Variants in TSC1 observed in about 807,000 individuals in gnomAD.
TSC1 encodes hamartin.
A neutral mutation model predicts 124.3 loss-of-function variants in TSC1; 20 were observed. The ratio of observed to expected loss-of-function variants is 0.16; its 90% CI spans 0.11 to 0.23. The LOEUF (loss-of-function observed/expected upper bound fraction) is 0.23, where lower values mean the gene tolerates loss of function less well. TSC1 is among the 10% of genes least tolerant of loss of function. The pLI is 1.00. For missense variants in TSC1, 1,124 were observed against 1,448.5 expected, an observed-to-expected ratio of 0.78 and a Z score of 3.64; for synonymous variants, 493 against 539.1, an observed-to-expected ratio of 0.91 and a Z score of 1.19.
intron 8 of TSC1, among the ~76,000 whole-genome samples, chr9:132,920,152 G>A (rs556162226): frequency 2.0e-5 from 3 of 152,298 alleles, no homozygotes; most frequent in Non-Finnish European, 4.4e-5. Flanking sequence ...TGACTTCCCA[G>A]AAGGGGCTGT....
intron 9 of TSC1, 57 bp from the exon 10 acceptor site, chr9:132,911,625 TAAAAAAAAAAAAAAAAAAAAAA>T: frequency 6.0e-6 from 1 of 167,866 alleles, no homozygotes; most frequent in Non-Finnish European, 1.0e-5. Flanking sequence ...TTATTCTGGT[TAAAAAAAAAAAAAAAAAAAAAA>T]AAAAAAAAAG....
rs546657314 is a variant in TSC1, at chr9:132,923,557, A to G, written c.364-65T>C. ...ACTGGCACCAGGATCGGCATTGTACAGTACATGAAGAGGCTCTAAACACTG... is the reference window on the plus strand; with the variant it reads ...ACTGGCACCAGGATCGGCATTGTACGGTACATGAAGAGGCTCTAAACACTG... On this transcript the variant is annotated intron_variant, in intron 5 of 22. Transcript: ENST00000298552. This position sits in a 1 kb window ranked among gnomAD's most constrained non-coding sequence, Gnocchi z 4.2. 1 of 1,609,222 alleles carries G rather than the reference A, an allele frequency of 6.2e-7. No individual in the cohort carries two copies. Among genetic ancestry groups the G allele is most frequent in the African/African-American group, 1.3e-5 (1 of 74,956 alleles).
intron 1 of TSC1, 36 bp from the exon 2 acceptor site, chr9:132,935,131 T>C (rs1847391969): frequency 2.5e-6 from 1 of 398,818 alleles, no homozygotes; most frequent in Non-Finnish European, 4.4e-6. Flanking sequence ...TGAAGCAAAA[T>C]CCCAGATGTA....
intron 20 of TSC1, among the ~76,000 whole-genome samples, chr9:132,898,130 C>G (rs1845181745): frequency 6.6e-6 from 1 of 152,216 alleles, no homozygotes; most frequent in Admixed American, 6.5e-5. Context: ...TTTCCTTTCT[C>G]CTTTTCTCCC....
At chr9:132,910,230 G>A in intron 12 of TSC1, 1 of 550,914 alleles carries the variant, frequency 1.8e-6, no homozygotes, top group South Asian at 2.4e-5. Context: ...GAGTCTGGGA[G>A]GTCAAGGCTG....
intron 1 of TSC1, among the ~76,000 whole-genome samples, chr9:132,940,451 A>ACTG (rs1246279293): frequency 3.3e-5 from 5 of 152,172 alleles, no homozygotes; most frequent in Non-Finnish European, 5.9e-5. Flanking sequence ...TCAGAGGGCA[A>ACTG]CTGAGTCCAC....
chr9:132,912,493 G>C (rs773749458), intron 8 of TSC1, 36 bp from the exon 9 acceptor site: 1 of 1,611,904 alleles, frequency 6.2e-7, no homozygotes, highest in African/African-American at 1.3e-5. Context: ...AATGCAAACT[G>C]TAATCAACTG....
rs1474859767 is a variant in TSC1 at position 132,907,388 on chromosome 9, A to G, written c.1264-18T>C. ...CTCTCTTCCTGAAAAGATAAGTATC[A>G]TTTATATCACAAGACGAAAAATGTT... On this transcript the variant is annotated intron_variant, in intron 12 of 22. Coordinates refer to ENST00000298552, the MANE Select transcript of TSC1 (RefSeq NM_000368.5). 6.2e-7 allele frequency: 1 copy of G among 1,603,090 alleles called. No homozygotes were observed. The highest frequency in any genetic ancestry group is 1.1e-5 in the South Asian group (1 of 90,888).
rs759461471 is a variant in TSC1 at position 132,905,982 on chromosome 9, G to A, written c.1596C>T (p.Asn532=). ...AASSSQGASV[N]PEPLHSSLDK... ...CCAGGGAGGAGTGTAAAGGCTCAGG[G>A]TTCACGCTGGCGCCCTGAGAACTGG... Residue 532 remains asparagine, a synonymous_variant, in exon 15 of 23, where the codon AAC becomes AAT. Coordinates refer to ENST00000298552, the MANE Select transcript of TSC1 (RefSeq NM_000368.5). 1.9e-6 allele frequency: 3 copies of A among 1,614,118 alleles called. No homozygotes were observed. The highest frequency in any genetic ancestry group is 2.5e-6 in the Non-Finnish European group (3 of 1,180,006).
Position 132,928,877 on chromosome 9 carries a change from T to C in TSC1, c.-5A>G, listed in dbSNP as rs1323766758. 6.2e-7 allele frequency: 1 copy of C among 1,614,084 alleles called. No homozygotes were observed. The highest frequency in any genetic ancestry group is 8.5e-7 in the Non-Finnish European group (1 of 1,179,998). ...GACATTTGCTTGTTGGGCCATTCTC[T>C]CGCTCGAAGGCGCTGTGCTGGCTCC... On this transcript the variant is annotated 5_prime_UTR_variant, in exon 3 of 23. Coordinates refer to ENST00000298552, the MANE Select transcript of TSC1 (RefSeq NM_000368.5).
chr9:132,927,071 G>T, intron 4 of TSC1, 130 bp downstream of exon 4: 1 of 863,760 alleles, frequency 1.2e-6, no homozygotes, highest in Non-Finnish European at 1.9e-6. Flanking sequence ...GTTATAAACT[G>T]GGAACAATGT....
intron 10 of TSC1, 156 bp downstream of exon 10, chr9:132,911,297 G>C: frequency 2.5e-6 from 2 of 811,814 alleles, no homozygotes; most frequent in Non-Finnish European, 4.4e-6. Flanking sequence ...AATCTAAGAG[G>C]CAACAGTAAC....
chr9:132,910,919 C>T (rs1845921510), intron 11 of TSC1, 83 bp downstream of exon 11: 17 of 1,380,680 alleles, frequency 1.2e-5, no homozygotes, highest in Non-Finnish European at 1.0e-6. Context: ...AGCAAGTGGT[C>T]CCTTAGATCT....
intron 3 of TSC1, among the ~76,000 whole-genome samples, 164 bp from the exon 4 acceptor site, chr9:132,927,468 C>A (rs1846942619): frequency 1.3e-5 from 2 of 151,644 alleles, no homozygotes; most frequent in Admixed American, 6.6e-5. Context: ...ATAAGATATT[C>A]CAAGCTTATT....
At chr9:132,935,510 T>A (rs1336794563) in intron 1 of TSC1, among the ~76,000 whole-genome samples, 1 of 152,242 alleles carries the variant, frequency 6.6e-6, no homozygotes, top group Non-Finnish European at 1.5e-5. Context: ...AATGATGGCA[T>A]CAAGCTCACA....
At chr9:132,919,977 T>A (rs1846458935) in intron 8 of TSC1, among the ~76,000 whole-genome samples, 1 of 152,230 alleles carries the variant, frequency 6.6e-6, no homozygotes, top group African/African-American at 2.4e-5. Context: ...CACAGAAGGA[T>A]TCTGTCTGAC....
intron 1 of TSC1, among the ~76,000 whole-genome samples, chr9:132,943,005 T>C (rs370651591): frequency 6.6e-6 from 1 of 152,230 alleles, no homozygotes; most frequent in East Asian, 1.9e-4. Context: ...ATGTTCAATT[T>C]AAGAATCACA....
intron 20 of TSC1, chr9:132,899,730 C>A (rs1845268585): frequency 6.6e-6 from 1 of 152,158 alleles, no homozygotes; most frequent in Admixed American, 6.5e-5. Flanking sequence ...GGAAACAGGG[C>A]CCCATGGAGA....
intron 9 of TSC1, among the ~76,000 whole-genome samples, chr9:132,912,077 A>T (rs146386178): frequency 1.8e-4 from 27 of 152,356 alleles, no homozygotes; most frequent in African/African-American, 6.0e-4. Flanking sequence ...GCATACAATC[A>T]GGTAGCAGAC....
Sources: gnomAD v4.1 joint callset for allele counts (sites outside exome capture counted in the v4.1 genomes callset) on GRCh38, gnomAD v4.1.1 for gene constraint, Gnocchi (gnomAD v3.1) non-coding constraint, MANE v1.5 for transcripts, NCBI Gene and HGNC (gene_info 2026-07-23, HGNC 2026-07-21) for gene names.